Variants in ROS1 observed in about 807,000 individuals in gnomAD.
ROS1 encodes proto-oncogene tyrosine-protein kinase ROS.
In ROS1, 263 loss-of-function variants were observed where a neutral mutation model predicts 273.5. That is an observed-to-expected ratio of 0.96 (90% CI 0.87 to 1.06). The LOEUF (loss-of-function observed/expected upper bound fraction) is 1.06, where lower values mean the gene tolerates loss of function less well. ROS1 is among the 50% of genes least tolerant of loss of function. ROS1 has a pLI of 0.00. For missense variants in ROS1, 2,833 were observed against 2,751.1 expected (o/e 1.03, Z -0.67); for synonymous variants, 1,008 against 954.1 (o/e 1.06, Z -1.04).
intron 27 of ROS1, among the ~76,000 whole-genome samples, chr6:117,349,507 T>C (rs1778637163): frequency 6.6e-6 from 1 of 152,038 alleles, no homozygotes; most frequent in African/African-American, 2.4e-5. Context: ...AGTCTGTTTG[T>C]TGATCCACTC....
At chr6:117,354,713 C>A (rs2128640505) in intron 26 of ROS1, among the ~76,000 whole-genome samples, 1 of 152,076 alleles carries the variant, frequency 6.6e-6, no homozygotes, top group Admixed American at 6.5e-5. Flanking sequence ...AAAAACTGAC[C>A]AGTTTTATAC....
intron 7 of ROS1, among the ~76,000 whole-genome samples, chr6:117,402,415 G>A (rs1726496027): frequency 6.6e-6 from 1 of 152,042 alleles, no homozygotes; most frequent in Admixed American, 6.5e-5. Context: ...GGCTCATTCT[G>A]GCCACCTTAT....
intron 13 of ROS1, 153 bp from the exon 14 acceptor site, chr6:117,388,145 G>A (rs879401554): frequency 6.9e-5 from 83 of 1,198,482 alleles, no homozygotes; most frequent in Non-Finnish European, 9.2e-5. Context: ...GGGATCATTT[G>A]TTGATGAGGC....
At chr6:117,401,814 A>C (rs982086260) in intron 7 of ROS1, among the ~76,000 whole-genome samples, 2 of 151,316 alleles carry the variant, frequency 1.3e-5, no homozygotes, top group Non-Finnish European at 2.9e-5. Flanking sequence ...AAAAAAAAAA[A>C]AAAAAAAAAA....
chr6:117,401,439 C>G (rs1164643925), intron 7 of ROS1, among the ~76,000 whole-genome samples: 1 of 152,188 alleles, frequency 6.6e-6, no homozygotes, highest in Non-Finnish European at 1.5e-5. Context: ...CATCGCACTT[C>G]CTACTTTAAA....
chr6:117,419,858 G>C lies in ROS1; in HGVS notation c.124-1352C>G, dbSNP rs572806046. Among the ~76,000 whole-genome samples, 3 of 152,242 alleles carry C rather than the reference G, an allele frequency of 2.0e-5. No homozygotes were observed. The East Asian group carries it at 5.8e-4, about 29-fold the overall frequency. On this transcript the variant is annotated intron_variant, in intron 1 of 43. Transcript: ENST00000368507. ...CTCAGGAGTAAATTTAACGGGCTGA[G>C]TGAAATGACCATCAAATGGTCTTGG...
At chr6:117,351,490 T>C (rs1217096773) in intron 27 of ROS1, among the ~76,000 whole-genome samples, 3 of 152,150 alleles carry the variant, frequency 2.0e-5, no homozygotes, top group African/African-American at 7.2e-5. Context: ...GTAAAACTTA[T>C]AAAATGAAGC....
chr6:117,294,291 C>G (rs770240648), intron 43 of ROS1, among the ~76,000 whole-genome samples: 2 of 152,024 alleles, frequency 1.3e-5, no homozygotes, highest in Non-Finnish European at 2.9e-5. Flanking sequence ...CAACATAGTA[C>G]TGTAAGTCCT....
rs761461938 is a variant in ROS1, at chr6:117,404,371, G to A, written c.374C>T (p.Thr125Ile). ...FASSIGSHNM[T>I]LRWKSANFSG... is the part of the protein sequence containing the mutation. ...GAAGTTTGCAGATTTCCATCGTAAT[G>A]TCATATTGTGGCTTCCAATGGAAGA... Residue 125 changes from threonine to isoleucine, a missense_variant, in exon 6 of 44, where the codon ACA becomes ATA. Coordinates refer to ENST00000368507, the MANE Select transcript of ROS1 (RefSeq NM_001378902.1). 2 of 1,613,654 alleles carry A rather than the reference G, an allele frequency of 1.2e-6. No individual in the cohort carries two copies. Among genetic ancestry groups the A allele is most frequent in the East Asian group, 4.5e-5 (2 of 44,890 alleles).
Position 117,425,770 on chromosome 6 carries a change from G to A in ROS1, c.-114C>T. On this transcript the variant is annotated 5_prime_UTR_variant, in exon 1 of 44. Coordinates refer to ENST00000368507, the MANE Select transcript of ROS1 (RefSeq NM_001378902.1). ...AGGAGTAGCTGATGGATTTTGCTTTGTTTGTTTTGCTATATTAGGATATAC... is the reference window on the plus strand; with the variant it reads ...AGGAGTAGCTGATGGATTTTGCTTTATTTGTTTTGCTATATTAGGATATAC... 8.3e-7 allele frequency: 1 copy of A among 1,198,802 alleles called. No homozygotes were observed. The highest frequency in any genetic ancestry group is 1.2e-6 in the Non-Finnish European group (1 of 837,890). 74.3% of individuals were successfully genotyped at this position (1,198,802 alleles called of 1,614,324 possible).
At chr6:117,425,427 T>C (rs1776065304) in intron 1 of ROS1, 107 bp downstream of exon 1, 2 of 1,159,244 alleles carry the variant, frequency 1.7e-6, no homozygotes, top group Non-Finnish European at 1.2e-6. Flanking sequence ...CCACCACTTC[T>C]CATAAGAAAA....
At chr6:117,408,209 A>G (rs555343987) in intron 5 of ROS1, among the ~76,000 whole-genome samples, 3 of 152,094 alleles carry the variant, frequency 2.0e-5, no homozygotes, top group Non-Finnish European at 4.4e-5. Flanking sequence ...CAAAATTGAC[A>G]AATGGGATCT....
intron 27 of ROS1, among the ~76,000 whole-genome samples, chr6:117,350,141 A>C (rs1396236141): frequency 6.6e-6 from 1 of 151,940 alleles, no homozygotes; most frequent in East Asian, 1.9e-4. Flanking sequence ...CTTCTTTCTA[A>C]AGAACTTCTT....
At chr6:117,422,976 C>T (rs753703231) in intron 1 of ROS1, among the ~76,000 whole-genome samples, 6 of 151,970 alleles carry the variant, frequency 3.9e-5, no homozygotes, top group Non-Finnish European at 7.4e-5. Flanking sequence ...AATTGATACT[C>T]CTGAGCCCTT....
chr6:117,357,371 C>T (rs1779409161), intron 25 of ROS1, among the ~76,000 whole-genome samples: 1 of 152,098 alleles, frequency 6.6e-6, no homozygotes, highest in African/African-American at 2.4e-5. Flanking sequence ...TACTTAGGTG[C>T]TAAAAGGAAA....
At chr6:117,403,370 C>T in intron 6 of ROS1, 93 bp from the exon 7 acceptor site, 1 of 1,239,700 alleles carries the variant, frequency 8.1e-7, no homozygotes, top group Non-Finnish European at 1.1e-6. Context: ...AGATGGATGG[C>T]TCAACAGAGA....
intron 1 of ROS1, among the ~76,000 whole-genome samples, chr6:117,422,710 C>A (rs945268445): frequency 8.6e-5 from 13 of 151,978 alleles, no homozygotes; most frequent in Non-Finnish European, 1.5e-4. Context: ...AGATACAAAT[C>A]AAAAATAAAT....
Position 117,394,700 on chromosome 6 carries a change from T to C in ROS1, c.922A>G (p.Thr308Ala). ...TTTAAAGATCTCTTTCTTAGAGAAGTTTTTCTGGATAAAAAGAGCCACTGT... is the reference window on the plus strand; with the variant it reads ...TTTAAAGATCTCTTTCTTAGAGAAGCTTTTCTGGATAAAAAGAGCCACTGT... ...EEQWLFLSRK[T>A]SLRKRSLKHL... The change falls in exon 10 of 44, where the codon ACT (threonine) becomes GCT (alanine). Residue 308 changes from threonine (T) to alanine (A), a missense_variant. Physicochemically the swap from Thr to Ala is moderately conservative, Grantham distance 58. Coordinates refer to ENST00000368507, the MANE Select transcript of ROS1 (RefSeq NM_001378902.1). 6.2e-7 allele frequency: 1 copy of C among 1,611,630 alleles called. No individual in the cohort carries two copies. The highest frequency in any genetic ancestry group is 8.5e-7 in the Non-Finnish European group (1 of 1,178,882).
At chr6:117,408,599 C>A (rs956352609) in intron 5 of ROS1, among the ~76,000 whole-genome samples, 80 of 152,328 alleles carry the variant, frequency 5.3e-4, no homozygotes, top group Middle Eastern at 6.8e-3. Context: ...AATAGGAACA[C>A]TTTTACACTG....
Sources: gnomAD v4.1 joint callset for allele counts (sites outside exome capture counted in the v4.1 genomes callset) on GRCh38, gnomAD v4.1.1 for gene constraint, MANE v1.5 for transcripts, NCBI Gene and HGNC (gene_info 2026-07-23, HGNC 2026-07-21) for gene names.